The following C1QTNF3 variants were observed in gnomAD, a reference collection of about 807,000 sequenced individuals.
C1QTNF3 encodes the protein complement C1q tumor necrosis factor-related protein 3.
C1QTNF3 carries 26 observed loss-of-function variants against 32.6 expected under a neutral mutation model. The ratio of observed to expected loss-of-function variants is 0.80; its 90% CI spans 0.58 to 1.11. C1QTNF3 has a LOEUF of 1.11. Among genes scored for constraint, C1QTNF3 ranks in the 50% least tolerant of loss-of-function variants. The probability of loss-of-function intolerance (pLI) is 0.00; values close to 1 mark genes in which losing one functional copy is unlikely to be tolerated. For missense variants in C1QTNF3, 362 were observed against 398.2 expected (o/e 0.91, Z 0.77); for synonymous variants, 155 against 146.0 (o/e 1.06, Z -0.44).
chr5:34,195,839 C>CA, the C1QTNF3 span, among the ~76,000 whole-genome samples: 577 of 92,284 alleles, frequency 6.3e-3, 1 homozygote, highest in Admixed American at 9.9e-3. Flanking sequence ...GACTCTGTCT[C>CA]AAAAAAAAAA....
At chr5:34,023,002 C>A (rs939165805) in intron 5 of C1QTNF3, among the ~76,000 whole-genome samples, 17 of 152,116 alleles carry the variant, frequency 1.1e-4, no homozygotes, top group African/African-American at 3.6e-4. Flanking sequence ...ACTACAGGCG[C>A]CTGCCACCAT....
chr5:34,076,450 G>A, the C1QTNF3 span, among the ~76,000 whole-genome samples: 140 of 151,502 alleles, frequency 9.2e-4, 5 homozygotes, highest in African/African-American at 3.3e-3. Context: ...CCAGTAATAT[G>A]TGTATATAAA....
the C1QTNF3 span, among the ~76,000 whole-genome samples, chr5:34,059,677 G>A: frequency 1.3e-5 from 2 of 152,162 alleles, no homozygotes; most frequent in African/African-American, 2.4e-5. Context: ...TCAGCTTGGG[G>A]GTTTAGAGCT....
the C1QTNF3 span, among the ~76,000 whole-genome samples, chr5:34,155,516 CAG>C: frequency 2.6e-5 from 4 of 152,114 alleles, no homozygotes; most frequent in African/African-American, 9.7e-5. Context: ...ATTTTAATAT[CAG>C]AGTATCTGTG....
At chr5:34,119,474 C>G in the C1QTNF3 span, among the ~76,000 whole-genome samples, 1 of 152,140 alleles carries the variant, frequency 6.6e-6, no homozygotes, top group Non-Finnish European at 1.5e-5. Context: ...GGGAATCTCC[C>G]TTTTATAAAC....
the C1QTNF3 span, among the ~76,000 whole-genome samples, chr5:34,078,009 G>T: frequency 5.3e-5 from 8 of 151,716 alleles, no homozygotes; most frequent in Non-Finnish European, 1.2e-4. This position sits in a 1 kb window ranked among gnomAD's most constrained non-coding sequence, Gnocchi z 4.0. Flanking sequence ...GAGAGCAGGT[G>T]CTCAGATACT....
At chr5:34,116,730 G>A in the C1QTNF3 span, among the ~76,000 whole-genome samples, 4 of 151,578 alleles carry the variant, frequency 2.6e-5, no homozygotes, top group Admixed American at 6.6e-5. Flanking sequence ...GAGTAGCTGG[G>A]ATTACAAGCG....
the C1QTNF3 span, among the ~76,000 whole-genome samples, chr5:34,210,918 T>G: frequency 2.6e-5 from 4 of 152,132 alleles, no homozygotes; most frequent in Admixed American, 2.0e-4. Flanking sequence ...ATAATTTATT[T>G]GTGAAACCAA....
the C1QTNF3 span, among the ~76,000 whole-genome samples, chr5:34,153,994 A>G: frequency 4.0e-5 from 6 of 151,492 alleles, no homozygotes; most frequent in Admixed American, 6.6e-5. Flanking sequence ...TAGATTAATC[A>G]CATAATTTTT....
At chr5:34,026,364 C>T (rs796934451) in intron 4 of C1QTNF3, among the ~76,000 whole-genome samples, 18 of 146,888 alleles carry the variant, frequency 1.2e-4, no homozygotes, top group African/African-American at 2.8e-4. Flanking sequence ...CAGGGCTGAG[C>T]GGAAGCAAGG....
At chr5:34,031,231 G>A (rs1754605442) in intron 3 of C1QTNF3, among the ~76,000 whole-genome samples, 1 of 152,184 alleles carries the variant, frequency 6.6e-6, no homozygotes, top group Admixed American at 6.5e-5. Flanking sequence ...TTAATTTGCT[G>A]GGACCTTCAA....
chr5:34,239,803 G>A, the C1QTNF3 span, among the ~76,000 whole-genome samples: 1 of 151,618 alleles, frequency 6.6e-6, no homozygotes, highest in African/African-American at 2.4e-5. Flanking sequence ...GACATCTACA[G>A]AACACTCCAC....
chr5:34,130,566 C>A, the C1QTNF3 span, among the ~76,000 whole-genome samples: 1 of 151,790 alleles, frequency 6.6e-6, no homozygotes, highest in East Asian at 1.9e-4. Context: ...CCACCTACCA[C>A]CTTTGAGATC....
At chr5:34,172,471 C>A in the C1QTNF3 span, among the ~76,000 whole-genome samples, 4 of 151,664 alleles carry the variant, frequency 2.6e-5, no homozygotes, top group Non-Finnish European at 5.9e-5. Flanking sequence ...AACATGCTTT[C>A]TTTATTCTGA....
At chr5:34,227,406 T>C in the C1QTNF3 span, among the ~76,000 whole-genome samples, 3 of 152,028 alleles carry the variant, frequency 2.0e-5, no homozygotes, top group Non-Finnish European at 4.4e-5. Context: ...TTTAACTTTT[T>C]ATAATAGATG....
chr5:34,119,510 A>G, the C1QTNF3 span, among the ~76,000 whole-genome samples: 8 of 151,730 alleles, frequency 5.3e-5, no homozygotes, highest in Non-Finnish European at 4.4e-5. Context: ...TATTGCAGCT[A>G]TAAGCACTTA....
chr5:34,070,096 T>C, the C1QTNF3 span, among the ~76,000 whole-genome samples: 9 of 152,206 alleles, frequency 5.9e-5, no homozygotes, highest in Non-Finnish European at 1.0e-4. Flanking sequence ...CCTGTTCTTA[T>C]TGGATACACA....
the C1QTNF3 span, among the ~76,000 whole-genome samples, chr5:34,147,099 T>C: frequency 6.6e-6 from 1 of 151,948 alleles, no homozygotes; most frequent in Admixed American, 6.6e-5. Flanking sequence ...CACAATGAGA[T>C]ACTATCTCAT....
At chr5:34,223,286 T>A in the C1QTNF3 span, among the ~76,000 whole-genome samples, 1 of 151,232 alleles carries the variant, frequency 6.6e-6, no homozygotes, top group South Asian at 2.1e-4. Flanking sequence ...TTTTTGTCCT[T>A]GTGATAGTTG....
Sources: allele counts gnomAD v4.1 joint callset (sites outside exome capture counted in the v4.1 genomes callset), GRCh38; gene constraint gnomAD v4.1.1; non-coding constraint Gnocchi (gnomAD v3.1); transcripts MANE v1.5; gene names NCBI Gene and HGNC (gene_info 2026-07-23, HGNC 2026-07-21).